Variants in DNER observed in about 807,000 individuals in gnomAD.
The protein encoded by DNER is delta/notch like EGF repeat containing, also known as delta and Notch-like epidermal growth factor-related receptor.
A neutral mutation model predicts 78.2 loss-of-function variants in DNER; 33 were observed. The observed-to-expected ratio is 0.42, with a 90% confidence interval of 0.32 to 0.56. The LOEUF (loss-of-function observed/expected upper bound fraction) is 0.56. DNER is among the 20% of genes least tolerant of loss of function. The probability of loss-of-function intolerance (pLI) is 0.11; values close to 1 mark genes in which losing one functional copy is unlikely to be tolerated. For missense variants in DNER, 918 were observed against 975.3 expected, an observed-to-expected ratio of 0.94 and a Z score of 0.78; for synonymous variants, 417 against 384.8, an observed-to-expected ratio of 1.08 and a Z score of -0.98.
intron 7 of DNER, among the ~76,000 whole-genome samples, chr2:229,454,214 T>C (rs1181539224): frequency 3.9e-5 from 6 of 152,228 alleles, no homozygotes; most frequent in Admixed American, 6.5e-5. Flanking sequence ...GGCTGCCATT[T>C]TAACCACTAC....
intron 6 of DNER, among the ~76,000 whole-genome samples, chr2:229,503,596 A>T (rs147904447): frequency 2.6e-5 from 4 of 152,246 alleles, no homozygotes; most frequent in African/African-American, 9.6e-5. Flanking sequence ...TTGGAACCCA[A>T]TGAGATAAAA....
intron 1 of DNER, among the ~76,000 whole-genome samples, chr2:229,623,513 G>T (rs909897822): frequency 6.6e-6 from 1 of 152,166 alleles, no homozygotes; most frequent in Non-Finnish European, 1.5e-5. Context: ...CAGGCAGCCG[G>T]GCATGAGCTA....
intron 4 of DNER, among the ~76,000 whole-genome samples, chr2:229,554,941 A>AAAAGGAAGGGAAGGGAAGGG (rs1425593874): frequency 8.2e-4 from 21 of 25,612 alleles, no homozygotes; most frequent in Middle Eastern, 0.021. Context: ...AGAAGAGAGA[A>AAAAGGAAGGGAAGGGAAGGG]AAGGGAAGGG....
chr2:229,449,501 G>A (rs1182192872), intron 7 of DNER, among the ~76,000 whole-genome samples: 1 of 151,796 alleles, frequency 6.6e-6, no homozygotes, highest in Non-Finnish European at 1.5e-5. Context: ...GAAATGAATT[G>A]ACCAAGCCAC....
chr2:229,664,691 G>C (rs779977536), intron 1 of DNER, among the ~76,000 whole-genome samples: 3 of 152,064 alleles, frequency 2.0e-5, no homozygotes, highest in Non-Finnish European at 4.4e-5. Flanking sequence ...ACCTTAAGCT[G>C]GTAATCAGGG....
intron 9 of DNER, among the ~76,000 whole-genome samples, chr2:229,411,462 C>T (rs1693516986): frequency 6.6e-6 from 1 of 152,014 alleles, no homozygotes; most frequent in Non-Finnish European, 1.5e-5. Flanking sequence ...GAGGCCGAGA[C>T]AGGAGGATTG....
At chr2:229,497,795 G>A (rs143211302) in intron 6 of DNER, among the ~76,000 whole-genome samples, 1 of 152,158 alleles carries the variant, frequency 6.6e-6, no homozygotes, top group Admixed American at 6.5e-5. Flanking sequence ...GACCAAGAAT[G>A]AGTAAAAGAG....
chr2:229,639,934 G>A lies in DNER; in HGVS notation c.277-48046C>T, dbSNP rs946968259. Among the ~76,000 whole-genome samples, 13 of 152,090 alleles carry A rather than the reference G, an allele frequency of 8.5e-5. No individual in the cohort carries two copies. In the South Asian group the frequency reaches 1.0e-3, roughly 12 times the overall value. ...GCAAGCTCTGGCTTTGTCCTCCAAG[G>A]GACAACCCTCCATTTGAACTTGGAT... On this transcript the variant is annotated intron_variant, in intron 1 of 12. Coordinates refer to ENST00000341772, the MANE Select transcript of DNER (RefSeq NM_139072.4).
At chr2:229,484,961 C>T (rs1247717898) in intron 6 of DNER, among the ~76,000 whole-genome samples, 1 of 152,152 alleles carries the variant, frequency 6.6e-6, no homozygotes, top group Non-Finnish European at 1.5e-5. Context: ...TAATCCCTAG[C>T]AAATTCAAAG....
intron 6 of DNER, among the ~76,000 whole-genome samples, chr2:229,483,126 G>A (rs1306948710): frequency 6.6e-6 from 1 of 152,188 alleles, no homozygotes; most frequent in Non-Finnish European, 1.5e-5. Flanking sequence ...GGTGGCCTAT[G>A]TGTGCTCATC....
intron 5 of DNER, among the ~76,000 whole-genome samples, chr2:229,533,871 T>G (rs1696353798): frequency 6.6e-6 from 1 of 152,256 alleles, no homozygotes. Context: ...AATTAGAATT[T>G]TGGAAAACTT....
intron 5 of DNER, among the ~76,000 whole-genome samples, chr2:229,521,922 T>C (rs1696106099): frequency 6.6e-6 from 1 of 152,190 alleles, no homozygotes; most frequent in African/African-American, 2.4e-5. Flanking sequence ...ACTTAACATG[T>C]TCATATCACT....
At chr2:229,457,875 C>G (rs1044606950) in intron 7 of DNER, among the ~76,000 whole-genome samples, 2 of 151,216 alleles carry the variant, frequency 1.3e-5, no homozygotes, top group African/African-American at 4.9e-5. Flanking sequence ...CGGTGGCTTA[C>G]ACCTGTAATC....
chr2:229,428,891 C>T (rs570221752), intron 8 of DNER, among the ~76,000 whole-genome samples: 8 of 151,734 alleles, frequency 5.3e-5, no homozygotes, highest in African/African-American at 1.9e-4. Flanking sequence ...AAAAGAGAGA[C>T]CCAGAGTTAT....
intron 8 of DNER, among the ~76,000 whole-genome samples, chr2:229,424,168 C>T (rs1693824531): frequency 6.6e-6 from 1 of 152,238 alleles, no homozygotes; most frequent in Non-Finnish European, 1.5e-5. Context: ...AGAACAGGGT[C>T]TCCACCTACA....
chr2:229,623,877 A>C (rs1698292674), intron 1 of DNER, among the ~76,000 whole-genome samples: 2 of 152,224 alleles, frequency 1.3e-5, no homozygotes, highest in Non-Finnish European at 2.9e-5. Flanking sequence ...CTCTCTAAGA[A>C]TCACATGCTT....
At chr2:229,537,100 C>T (rs1000895297) in intron 5 of DNER, among the ~76,000 whole-genome samples, 3 of 151,816 alleles carry the variant, frequency 2.0e-5, no homozygotes, top group African/African-American at 4.8e-5. Context: ...GCATTGCTTG[C>T]GTAGCATCTC....
chr2:229,429,144 A>T (rs1693949871), intron 8 of DNER, among the ~76,000 whole-genome samples: 1 of 152,168 alleles, frequency 6.6e-6, no homozygotes, highest in Non-Finnish European at 1.5e-5. Context: ...TGGGGGTACA[A>T]TGTGAGAGTT....
At chr2:229,574,482 A>G (rs1381437411) in intron 4 of DNER, among the ~76,000 whole-genome samples, 2 of 152,196 alleles carry the variant, frequency 1.3e-5, no homozygotes, top group Non-Finnish European at 2.9e-5. Flanking sequence ...AAATGAAAAA[A>G]GCAAATAACC....
Sources: allele counts gnomAD v4.1 joint callset (sites outside exome capture counted in the v4.1 genomes callset), GRCh38; gene constraint gnomAD v4.1.1; transcripts MANE v1.5; gene names NCBI Gene and HGNC (gene_info 2026-07-23, HGNC 2026-07-21).